DNAH2: variants seen among roughly 807,000 people sequenced by gnomAD.
DNAH2 encodes axonemal beta dynein heavy chain 2.
In DNAH2, 323 loss-of-function variants were observed where a neutral mutation model predicts 523.5. The ratio of observed to expected loss-of-function variants is 0.62; its 90% CI spans 0.56 to 0.68. The LOEUF (loss-of-function observed/expected upper bound fraction) is 0.68, where lower values mean the gene tolerates loss of function less well. Among genes scored for constraint, DNAH2 ranks in the 30% least tolerant of loss-of-function variants. The probability of loss-of-function intolerance (pLI) is 0.00; values close to 1 mark genes in which losing one functional copy is unlikely to be tolerated. For synonymous variants in DNAH2, 2,093 were observed against 2,177.4 expected (o/e 0.96, Z 1.08); for missense variants, 4,907 against 5,701.5 (o/e 0.86, Z 4.49).
At chr17:7,791,791 G>A (rs938383656) in intron 44 of DNAH2, 126 bp from the exon 45 acceptor site, 8 of 922,560 alleles carry the variant, frequency 8.7e-6, no homozygotes, top group South Asian at 3.6e-5. Flanking sequence ...AAAACTGTGC[G>A]ATTTTCCAAA....
In DNAH2 at chr17:7,831,911, G is replaced by A. The variant is rs2078187108; in HGVS notation, c.12726+136G>A. 4 of 704,452 alleles carry A rather than the reference G, an allele frequency of 5.7e-6. No individual in the cohort carries two copies. Among genetic ancestry groups the A allele is most frequent in the Admixed American group, 5.9e-5 (2 of 33,866 alleles). 43.6% of individuals were successfully genotyped at this position (704,452 alleles called of 1,614,324 possible). A position where few individuals can be genotyped will look rare whatever the true frequency, so the allele number is the denominator to read the frequency against. On this transcript the variant is annotated intron_variant, in intron 82 of 85. Transcript: ENST00000572933. The surrounding 1 kb of genome is among the most constrained non-coding windows in gnomAD (Gnocchi z 4.2). ...AACTTTGAAGTTAGATAGGTTCAAG[G>A]TTAAAACCTGGCTCTGCCATTCATT...
chr17:7,770,362 T>C lies in DNAH2; in HGVS notation c.4052T>C (p.Ile1351Thr), dbSNP rs140285386. The C allele has an allele frequency of 3.0e-5, 48 of 1,613,662 alleles. No individual in the cohort carries two copies. In the African/African-American group the frequency reaches 3.9e-4, roughly 13 times the overall value. The stretch of plus-strand genomic sequence containing the variant: ...GGGATGGATCAGCATGTGGAGAAAA[T>C]TGGGGAGATCTCTGCTTCAGCAACT... The part of the protein sequence containing the change: ...ELGMDQHVEK[I>T]GEISASATKE... Residue 1351 changes from isoleucine to threonine, a missense_variant, in exon 25 of 86, where the codon ATT becomes ACT. By Grantham distance (89) the Ile-to-Thr change is moderately conservative. Around this residue, in one of 3 missense-constraint regions of DNAH2, gnomAD observed 2,806 missense variants for 3,190.8 expected, o/e 0.88. Coordinates refer to ENST00000572933, the MANE Select transcript of DNAH2 (RefSeq NM_020877.5).
At position 7,776,027 on chromosome 17, in the gene DNAH2, T is replaced by C. The variant is rs201604336; in HGVS notation, c.4825T>C (p.Trp1609Arg). The change falls in exon 31 of 86, where the codon TGG becomes CGG. Residue 1609 changes from tryptophan (W) to arginine (R), a missense_variant. This residue lies in a region of DNAH2 where 2,806 missense variants were observed against 3,190.8 expected (regional missense o/e 0.88). Coordinates refer to ENST00000572933, the MANE Select transcript of DNAH2 (RefSeq NM_020877.5). ...SVFLEGPVES[W>R]LGDVEQTMRV... ...CTATTCTCCCACCTCCCCCCAGTCC[T>C]GGCTTGGCGATGTGGAACAGACCAT... is the stretch of plus-strand genomic sequence containing the variant. The C allele has an allele frequency of 1.7e-5, 27 of 1,613,740 alleles. 1 individual carries two copies. The Admixed American group carries it at 3.8e-4, about 23-fold the overall frequency.
rs1453497369 is a variant in DNAH2, at chr17:7,777,548, G to A, written c.5161G>A (p.Asp1721Asn). ...ALVTIEIHAR[D>N]VLEKLYKSGL... Reference sequence around the variant, plus strand: ...GGTGACGATAGAAATTCATGCCCGGGATGTGTTGGAGAAGCTTTACAAGAG... The same window carrying A: ...GGTGACGATAGAAATTCATGCCCGGAATGTGTTGGAGAAGCTTTACAAGAG... The change falls in exon 33 of 86, where the codon GAT becomes AAT. Residue 1721 changes from aspartate (D) to asparagine (N), a missense_variant. By Grantham distance (23) the Asp-to-Asn change is conservative. This residue lies in a region of DNAH2 where 2,806 missense variants were observed against 3,190.8 expected (regional missense o/e 0.88). Transcript: ENST00000572933. 1 of 1,614,040 alleles carries A rather than the reference G, an allele frequency of 6.2e-7. No individual in the cohort carries two copies. The highest frequency in any genetic ancestry group is 8.5e-7 in the Non-Finnish European group (1 of 1,180,048).
Position 7,831,478 on chromosome 17 carries a change from C to T in DNAH2, c.12548C>T (p.Ser4183Phe). The T allele has an allele frequency of 6.2e-7, 1 of 1,614,156 alleles. No individual in the cohort carries two copies. The highest frequency in any genetic ancestry group is 8.5e-7 in the Non-Finnish European group (1 of 1,180,026). The change falls in exon 81 of 86, where the codon TCC becomes TTC. Residue 4183 changes from serine (S) to phenylalanine (F), a missense_variant. Coordinates refer to ENST00000572933, the MANE Select transcript of DNAH2 (RefSeq NM_020877.5). The surrounding 1 kb of genome is among the most constrained non-coding windows in gnomAD (Gnocchi z 4.2). ...GTQKLLALDP[S>F]PLNVVLLQEI... The stretch of plus-strand genomic sequence containing the variant: ...CAAAAACTGCTAGCTCTCGACCCCT[C>T]CCCCCTCAATGTGGTCCTTCTGCAG...
intron 3 of DNAH2, among the ~76,000 whole-genome samples, chr17:7,725,405 T>C (rs1210384161): frequency 7.0e-6 from 1 of 143,834 alleles, no homozygotes; most frequent in Non-Finnish European, 1.5e-5. Flanking sequence ...TGTTATTTTA[T>C]TTGTATTTGA....
chr17:7,720,383 C>T (rs991228051), intron 2 of DNAH2, among the ~76,000 whole-genome samples: 2 of 152,166 alleles, frequency 1.3e-5, no homozygotes, highest in Admixed American at 6.5e-5. Flanking sequence ...GTTCTATCTC[C>T]GCCCTCATTT....
At position 7,741,297 on chromosome 17, in the gene DNAH2, C is replaced by CTTTCTTTCTTTCTTTCTTT. The variant is rs1491588292; in HGVS notation, c.1689+305_1689+306insTTTCTTTCTTTCTTTCTTT. ...TTCTTTCTTTCTTTCTTTCTTTCTT[C>CTTTCTTTCTTTCTTTCTTT]CTTCCTTCCCTCCCTCCCTCCCTCC... On this transcript the variant is annotated intron_variant, in intron 11 of 85. Coordinates refer to ENST00000572933, the MANE Select transcript of DNAH2 (RefSeq NM_020877.5). 3.5e-3 allele frequency among the ~76,000 whole-genome samples: 212 copies of CTTTCTTTCTTTCTTTCTTT among 61,342 alleles called. 19 individuals are homozygous for CTTTCTTTCTTTCTTTCTTT. The highest frequency in any genetic ancestry group is 5.1e-3 in the Non-Finnish European group (166 of 32,334). 40.2% of individuals were successfully genotyped at this position (61,342 alleles called of 152,430 possible).
intron 12 of DNAH2, among the ~76,000 whole-genome samples, chr17:7,756,196 C>T (rs542621543): frequency 2.6e-4 from 40 of 151,664 alleles, no homozygotes; most frequent in African/African-American, 4.3e-4. Flanking sequence ...GCTGAGATTG[C>T]GCCACTGCAC....
At chr17:7,782,845 A>G (rs1367233509) in intron 39 of DNAH2, among the ~76,000 whole-genome samples, 1 of 129,318 alleles carries the variant, frequency 7.7e-6, no homozygotes, top group Middle Eastern at 3.6e-3. Context: ...TCCTGTAGTC[A>G]CAACTACTTT....
chr17:7,743,193 C>T, intron 12 of DNAH2, 51 bp downstream of exon 12: 1 of 1,580,868 alleles, frequency 6.3e-7, no homozygotes, highest in South Asian at 1.1e-5. Context: ...CTGCAGCTCT[C>T]CCAAGAATTT....
rs1342883794 is a variant in DNAH2 at position 7,804,748 on chromosome 17, A to G, written c.9184-210A>G. On this transcript the variant is annotated intron_variant, in intron 59 of 85. Coordinates refer to ENST00000572933, the MANE Select transcript of DNAH2 (RefSeq NM_020877.5). Reference sequence around the variant, plus strand: ...GTAATCCCAGCTACTCGGGAGGCTGAGGCAGGAGAATCGCTTAAACCCTGG... The same window carrying G: ...GTAATCCCAGCTACTCGGGAGGCTGGGGCAGGAGAATCGCTTAAACCCTGG... Among the ~76,000 whole-genome samples, 4 of 152,172 alleles carry G rather than the reference A, an allele frequency of 2.6e-5. No homozygotes were observed. In the East Asian group the frequency reaches 7.7e-4, roughly 29 times the overall value.
chr17:7,782,750 T>C (rs1156722389), intron 39 of DNAH2, among the ~76,000 whole-genome samples: 1 of 152,098 alleles, frequency 6.6e-6, no homozygotes, highest in African/African-American at 2.4e-5. Context: ...AGGATCACTT[T>C]AGGCTAGGAG....
rs1036154920 is a variant in DNAH2 at position 7,763,690 on chromosome 17, G to A, written c.2979-141G>A. The stretch of plus-strand genomic sequence containing the variant: ...GCATGGCTGGGGCAGATTGGAATGA[G>A]GGATGCCTGGGAGTAGAAGAACACT... On this transcript the variant is annotated intron_variant, in intron 18 of 85. Coordinates refer to ENST00000572933, the MANE Select transcript of DNAH2 (RefSeq NM_020877.5). 7.7e-6 allele frequency: 7 copies of A among 912,550 alleles called. No individual in the cohort carries two copies. In the African/African-American group the frequency reaches 9.8e-5, roughly 13 times the overall value. 56.5% of individuals were successfully genotyped at this position (912,550 alleles called of 1,614,324 possible).
chr17:7,800,876 A>G (rs1237742099), intron 56 of DNAH2, among the ~76,000 whole-genome samples: 2 of 149,494 alleles, frequency 1.3e-5, no homozygotes, highest in Non-Finnish European at 3.0e-5. Flanking sequence ...CAAAAAAAAA[A>G]AAAAATTTTT....
chr17:7,753,197 G>T (rs1382842374), intron 12 of DNAH2, among the ~76,000 whole-genome samples: 1 of 152,154 alleles, frequency 6.6e-6, no homozygotes, highest in Non-Finnish European at 1.5e-5. Context: ...TGGTGTAGGC[G>T]GTGGGATAGT....
At chr17:7,787,241 C>A in intron 42 of DNAH2, 1 of 668,142 alleles carries the variant, frequency 1.5e-6, no homozygotes, top group Middle Eastern at 4.2e-4. Context: ...AAGAAAAACA[C>A]CCTCTGTTGT....
In DNAH2 at chr17:7,754,957, C is replaced by A; in HGVS notation, c.1905-2134C>A. 1 of 416,536 alleles carries A rather than the reference C, an allele frequency of 2.4e-6. No homozygotes were observed. Among genetic ancestry groups the A allele is most frequent in the Non-Finnish European group, 4.2e-6 (1 of 236,308 alleles). 25.8% of individuals were successfully genotyped at this position (416,536 alleles called of 1,614,324 possible). On this transcript the variant is annotated intron_variant, in intron 12 of 85. Coordinates refer to ENST00000572933, the MANE Select transcript of DNAH2 (RefSeq NM_020877.5). This position sits in a 1 kb window ranked among gnomAD's most constrained non-coding sequence, Gnocchi z 4.6. ...CTCCTGCGCTATTGGTACAAATAAG[C>A]CTGAGGCAGAAAAAAAAAAAAAAAG... is the stretch of plus-strand genomic sequence containing the variant.
chr17:7,767,896 G>T lies in DNAH2; in HGVS notation c.3676-4G>T. ...TTCATGCAACGCGCCTTTCTGCCCTGTAGGAGCTCGATGCCCTCCAGCAAA... is the reference window on the plus strand; with the variant it reads ...TTCATGCAACGCGCCTTTCTGCCCTTTAGGAGCTCGATGCCCTCCAGCAAA... On this transcript the variant is annotated splice_polypyrimidine_tract_variant and splice_region_variant and intron_variant, in intron 22 of 85. Transcript: ENST00000572933. The T allele has an allele frequency of 6.2e-7, 1 of 1,614,144 alleles. No homozygotes were observed. The highest frequency in any genetic ancestry group is 1.7e-5 in the Admixed American group (1 of 60,014).
Sources: allele counts gnomAD v4.1 joint callset (sites outside exome capture counted in the v4.1 genomes callset), GRCh38; gene constraint gnomAD v4.1.1; regional missense constraint gnomAD v4.1.1; non-coding constraint Gnocchi (gnomAD v3.1); transcripts MANE v1.5; gene names NCBI Gene and HGNC (gene_info 2026-07-23, HGNC 2026-07-21).